FMN1: variants seen among roughly 807,000 people sequenced by gnomAD.
FMN1 encodes the protein formin 1, also known as formin-1.
A neutral mutation model predicts 132.4 loss-of-function variants in FMN1; 110 were observed. The ratio of observed to expected loss-of-function variants is 0.83; its 90% CI spans 0.71 to 0.97. FMN1 has a LOEUF of 0.97. Ranked by LOEUF, FMN1 falls within the 50% of genes least tolerant of loss-of-function variation. FMN1 has a pLI of 0.00. For synonymous variants in FMN1, 722 were observed against 651.7 expected (o/e 1.11, Z -1.64); for missense variants, 1,792 against 1,705.3 (o/e 1.05, Z -0.90).
chr15:32,910,224 C>T (rs3829481), intron 11 of FMN1, among the ~76,000 whole-genome samples: 4,893 of 152,274 alleles, frequency 0.032, 161 homozygotes, highest in East Asian at 0.12. Context: ...TTCCAGGGCA[C>T]GTAAATGGTG....
chr15:32,855,474 AT>A, intron 17 of FMN1, among the ~76,000 whole-genome samples: 2 of 152,292 alleles, frequency 1.3e-5, no homozygotes, highest in Non-Finnish European at 2.9e-5. Context: ...CCAAATGGGG[AT>A]TTGCAAATTG....
intron 8 of FMN1, among the ~76,000 whole-genome samples, chr15:32,965,494 C>G (rs2031124159): frequency 6.6e-6 from 1 of 152,190 alleles, no homozygotes; most frequent in African/African-American, 2.4e-5. Context: ...CAATCCATAA[C>G]ATCTAAAAGT....
At chr15:33,051,069 T>C (rs957981506) in intron 6 of FMN1, among the ~76,000 whole-genome samples, 1 of 152,194 alleles carries the variant, frequency 6.6e-6, no homozygotes, top group Non-Finnish European at 1.5e-5. Flanking sequence ...TGTAAGTAAC[T>C]GTTCACAAGG....
At chr15:32,812,797 G>A (rs1162928973) in intron 17 of FMN1, among the ~76,000 whole-genome samples, 1 of 152,198 alleles carries the variant, frequency 6.6e-6, no homozygotes, top group Non-Finnish European at 1.5e-5. Flanking sequence ...ACAAAGTGCT[G>A]TTTGCATACA....
At chr15:33,020,262 T>C (rs2035344930) in intron 6 of FMN1, among the ~76,000 whole-genome samples, 1 of 152,100 alleles carries the variant, frequency 6.6e-6, no homozygotes, top group African/African-American at 2.4e-5. Context: ...GTGTCACTAT[T>C]GAATTGGGGA....
At position 32,969,378 on chromosome 15, in the gene FMN1, G is replaced by A. The variant is rs1325526919; in HGVS notation, c.2323C>T (p.His775Tyr). 1 of 1,613,936 alleles carries A rather than the reference G, an allele frequency of 6.2e-7. No individual in the cohort carries two copies. Among genetic ancestry groups the A allele is most frequent in the Admixed American group, 1.7e-5 (1 of 60,014 alleles). Residue 775 changes from histidine to tyrosine, a missense_variant, in exon 8 of 21, where the codon CAC (histidine) becomes TAC (tyrosine). Around this residue, in one of 3 missense-constraint regions of FMN1, gnomAD observed 1,150 missense variants for 1,043.1 expected, o/e 1.10. Coordinates refer to ENST00000616417, the MANE Select transcript of FMN1 (RefSeq NM_001277313.2). ...TIENLKHELE[H>Y]RWRGGCEERK... ...TCTTCACAACCCCCTCGCCATCTGT[G>A]TTCTAGCTCGTGTTTCAGATTTTCA...
At chr15:33,087,073 T>G (rs2038724043) in intron 5 of FMN1, among the ~76,000 whole-genome samples, 1 of 152,190 alleles carries the variant, frequency 6.6e-6, no homozygotes, top group African/African-American at 2.4e-5. Context: ...GCTCCTTAGA[T>G]TTGTGGTGCT....
chr15:32,882,146 T>C (rs2059786215), intron 16 of FMN1, among the ~76,000 whole-genome samples: 2 of 152,208 alleles, frequency 1.3e-5, no homozygotes, highest in African/African-American at 4.8e-5. Flanking sequence ...CCAATTTTTA[T>C]CTGTAGTCCC....
chr15:32,951,964 C>T (rs1468173584), intron 9 of FMN1, among the ~76,000 whole-genome samples: 1 of 152,204 alleles, frequency 6.6e-6, no homozygotes, highest in African/African-American at 2.4e-5. Flanking sequence ...CTGCTACAGC[C>T]TTGTCACTGG....
At chr15:33,018,397 A>G (rs991358976) in intron 6 of FMN1, among the ~76,000 whole-genome samples, 2 of 152,020 alleles carry the variant, frequency 1.3e-5, no homozygotes, top group African/African-American at 4.8e-5. Context: ...CCACCTCCCA[A>G]CCTATGGGGA....
intron 5 of FMN1, among the ~76,000 whole-genome samples, chr15:33,074,094 C>A (rs1282493407): frequency 6.6e-6 from 1 of 152,124 alleles, no homozygotes; most frequent in Non-Finnish European, 1.5e-5. Context: ...ACAACTGGCA[C>A]CAGTTCATAC....
At chr15:32,921,186 G>A (rs759437927) in intron 10 of FMN1, among the ~76,000 whole-genome samples, 50 of 152,194 alleles carry the variant, frequency 3.3e-4, no homozygotes, top group Non-Finnish European at 5.7e-4. Flanking sequence ...GCTCTCCTAG[G>A]AGGTGACATT....
chr15:32,880,145 C>A (rs72717701), intron 16 of FMN1, among the ~76,000 whole-genome samples: 1 of 146,752 alleles, frequency 6.8e-6, no homozygotes, highest in Non-Finnish European at 1.5e-5. Flanking sequence ...ATATAGCACA[C>A]GGTACCATGA....
chr15:33,186,077 T>C (rs1009774368), intron 2 of FMN1, among the ~76,000 whole-genome samples: 10 of 152,012 alleles, frequency 6.6e-5, no homozygotes, highest in African/African-American at 2.2e-4. Flanking sequence ...ATGCAACCTT[T>C]GTGAATGGTT....
intron 6 of FMN1, among the ~76,000 whole-genome samples, chr15:33,046,648 G>C (rs563490530): frequency 6.6e-6 from 1 of 152,260 alleles, no homozygotes; most frequent in South Asian, 2.1e-4. Context: ...CAGAGCTATG[G>C]TATGGCAAAC....
intron 6 of FMN1, among the ~76,000 whole-genome samples, chr15:33,019,593 ATGGCG>A (rs2035302588): frequency 1.3e-5 from 2 of 152,310 alleles, no homozygotes; most frequent in Non-Finnish European, 2.9e-5. Context: ...AAACTCAGGC[ATGGCG>A]AGCTGGAGGT....
At chr15:33,064,709 C>T (rs1375685811) in intron 6 of FMN1, 2 of 291,630 alleles carry the variant, frequency 6.9e-6, no homozygotes, top group Non-Finnish European at 1.3e-5. Flanking sequence ...TCAGGTCCCC[C>T]AAGGTTCTCC....
chr15:33,008,398 C>T (rs180907434), intron 6 of FMN1, among the ~76,000 whole-genome samples: 2 of 152,094 alleles, frequency 1.3e-5, no homozygotes, highest in Admixed American at 1.3e-4. Flanking sequence ...GAAATTAAGT[C>T]CCCACAGAGG....
chr15:33,042,186 C>A lies in FMN1; in HGVS notation c.2161+22771G>T, dbSNP rs142723038. The stretch of plus-strand genomic sequence containing the variant: ...AAAATCCCATTTACAATCAAATATC[C>A]AGAAATAAATCTAAGTGTGCAAAAG... On this transcript the variant is annotated intron_variant, in intron 6 of 20. Coordinates refer to ENST00000616417, the MANE Select transcript of FMN1 (RefSeq NM_001277313.2). Among the ~76,000 whole-genome samples, 449 of 152,000 alleles carry A rather than the reference C, an allele frequency of 3.0e-3. 3 individuals carry two copies. Among genetic ancestry groups the A allele is most frequent in the Middle Eastern group, 6.8e-3 (2 of 294 alleles).
Sources: allele counts gnomAD v4.1 joint callset (sites outside exome capture counted in the v4.1 genomes callset), GRCh38; gene constraint gnomAD v4.1.1; regional missense constraint gnomAD v4.1.1; transcripts MANE v1.5; gene names NCBI Gene and HGNC (gene_info 2026-07-23, HGNC 2026-07-21).